Variants in DNER observed in about 807,000 individuals in gnomAD.
DNER encodes delta/notch like EGF repeat containing, also known as delta and Notch-like epidermal growth factor-related receptor.
DNER carries 33 observed loss-of-function variants against 78.2 expected under a neutral mutation model. That is an observed-to-expected ratio of 0.42 (90% CI 0.32 to 0.56). DNER has a LOEUF of 0.56. DNER is among the 20% of genes least tolerant of loss of function. DNER has a pLI of 0.11. For missense variants in DNER, 918 were observed against 975.3 expected (o/e 0.94, Z 0.78); for synonymous variants, 417 against 384.8 (o/e 1.08, Z -0.98).
chr2:229,582,803 C>G (rs2154214358), intron 4 of DNER, among the ~76,000 whole-genome samples: 1 of 152,140 alleles, frequency 6.6e-6, no homozygotes, highest in African/African-American at 2.4e-5. Context: ...CCACGCCCGG[C>G]TAATTTCTTG....
At chr2:229,689,930 A>G (rs1699540282) in intron 1 of DNER, among the ~76,000 whole-genome samples, 1 of 152,132 alleles carries the variant, frequency 6.6e-6, no homozygotes, top group Admixed American at 6.5e-5. Context: ...GGCTGGTACC[A>G]CTCCAAAGTT....
At chr2:229,502,129 A>G (rs565862332) in intron 6 of DNER, among the ~76,000 whole-genome samples, 1 of 152,298 alleles carries the variant, frequency 6.6e-6, no homozygotes, top group East Asian at 1.9e-4. Context: ...TACTCAGGCA[A>G]GAGGGCAGTG....
chr2:229,594,919 G>A (rs1207719789), intron 1 of DNER, among the ~76,000 whole-genome samples: 1 of 117,508 alleles, frequency 8.5e-6, no homozygotes, highest in Non-Finnish European at 1.7e-5. Flanking sequence ...ACTATGACAA[G>A]AACTGTACCA....
intron 7 of DNER, among the ~76,000 whole-genome samples, chr2:229,451,098 A>T (rs937894459): frequency 1.3e-5 from 2 of 152,216 alleles, no homozygotes; most frequent in Non-Finnish European, 2.9e-5. Flanking sequence ...AAAAAAATAC[A>T]TATCAAACTT....
chr2:229,506,252 T>C (rs1053219809), intron 6 of DNER, among the ~76,000 whole-genome samples: 1 of 152,148 alleles, frequency 6.6e-6, no homozygotes. Context: ...CTTCTTTACA[T>C]GCTGGCAGGA....
intron 8 of DNER, among the ~76,000 whole-genome samples, chr2:229,445,883 A>G (rs1475968652): frequency 6.6e-6 from 1 of 152,268 alleles, no homozygotes; most frequent in Non-Finnish European, 1.5e-5. Flanking sequence ...CAGAGAGGAA[A>G]GAGGCACTTG....
At chr2:229,631,749 G>A (rs1421907913) in intron 1 of DNER, among the ~76,000 whole-genome samples, 2 of 152,146 alleles carry the variant, frequency 1.3e-5, no homozygotes, top group East Asian at 3.8e-4. Context: ...AGTCACCAGT[G>A]CTTCCATCTC....
At chr2:229,616,638 T>C (rs765928908) in intron 1 of DNER, among the ~76,000 whole-genome samples, 49 of 152,284 alleles carry the variant, frequency 3.2e-4, no homozygotes, top group Non-Finnish European at 1.5e-5. Context: ...CTCTATCCAC[T>C]TGTGGTCATC....
chr2:229,637,613 T>C (rs560531556), intron 1 of DNER, among the ~76,000 whole-genome samples: 1 of 152,374 alleles, frequency 6.6e-6, no homozygotes, highest in East Asian at 1.9e-4. Context: ...AATGGTGCTC[T>C]AGCGTGTATC....
chr2:229,500,247 TAAAG>T (rs1695589849), intron 6 of DNER, among the ~76,000 whole-genome samples: 1 of 152,132 alleles, frequency 6.6e-6, no homozygotes, highest in Non-Finnish European at 1.5e-5. Flanking sequence ...ATAAGCTTTC[TAAAG>T]AAAGACATAC....
intron 12 of DNER, among the ~76,000 whole-genome samples, chr2:229,366,396 G>C (rs1306700969): frequency 6.6e-6 from 1 of 152,128 alleles, no homozygotes; most frequent in Non-Finnish European, 1.5e-5. Context: ...CTAACTCCTT[G>C]TCCCTCTGGA....
chr2:229,630,025 C>T lies in DNER; in HGVS notation c.277-38137G>A, dbSNP rs115749503. ...CTCATCTATAGGCACAATCTATTAT[C>T]CCTAATCATTTTCCAATGTTTTTGT... is the stretch of plus-strand genomic sequence containing the variant. On this transcript the variant is annotated intron_variant, in intron 1 of 12. Transcript: ENST00000341772. Among the ~76,000 whole-genome samples the T allele has an allele frequency of 6.4e-3, 968 of 152,312 alleles. 8 individuals carry two copies. The highest frequency in any genetic ancestry group is 0.01 in the Middle Eastern group (3 of 294).
chr2:229,637,227 C>T (rs1310994371), intron 1 of DNER, among the ~76,000 whole-genome samples: 1 of 152,220 alleles, frequency 6.6e-6, no homozygotes, highest in Non-Finnish European at 1.5e-5. Flanking sequence ...ATCTACCCAA[C>T]CCCATCAGTT....
intron 7 of DNER, among the ~76,000 whole-genome samples, chr2:229,452,858 C>T (rs1489816028): frequency 6.6e-6 from 1 of 152,010 alleles, no homozygotes; most frequent in Non-Finnish European, 1.5e-5. Context: ...GAACTCCTGA[C>T]CTCAAGTGAT....
chr2:229,385,029 G>A (rs753732473), intron 11 of DNER, among the ~76,000 whole-genome samples: 2 of 149,344 alleles, frequency 1.3e-5, no homozygotes, highest in East Asian at 1.9e-4. Flanking sequence ...CTGGCACACC[G>A]AATCCAGTAG....
intron 6 of DNER, among the ~76,000 whole-genome samples, chr2:229,512,170 G>A (rs907435243): frequency 2.6e-5 from 4 of 152,088 alleles, no homozygotes; most frequent in African/African-American, 9.7e-5. Flanking sequence ...ATCACCTGAG[G>A]TCAGAAGTTC....
At chr2:229,523,696 C>G (rs1284473418) in intron 5 of DNER, among the ~76,000 whole-genome samples, 2 of 152,352 alleles carry the variant, frequency 1.3e-5, no homozygotes, top group East Asian at 3.9e-4. Flanking sequence ...CTTTCTGCTT[C>G]TTCCTCCAAC....
chr2:229,574,127 ACT>A (rs1038270546), intron 4 of DNER, among the ~76,000 whole-genome samples: 19 of 152,328 alleles, frequency 1.2e-4, no homozygotes, highest in African/African-American at 4.6e-4. Flanking sequence ...CTGAAGATAA[ACT>A]GGCTGTCCTG....
chr2:229,395,996 A>G (rs764251469), intron 10 of DNER, among the ~76,000 whole-genome samples: 10 of 152,202 alleles, frequency 6.6e-5, no homozygotes, highest in Non-Finnish European at 1.3e-4. Context: ...TCAGATAACA[A>G]TGGCAGCCTA....
Sources: gnomAD v4.1 joint callset for allele counts (sites outside exome capture counted in the v4.1 genomes callset) on GRCh38, gnomAD v4.1.1 for gene constraint, MANE v1.5 for transcripts, NCBI Gene and HGNC (gene_info 2026-07-23, HGNC 2026-07-21) for gene names.